Variants in AP1G1 observed in about 807,000 individuals in gnomAD.
The protein encoded by AP1G1 is AP-1 complex subunit gamma-1.
In AP1G1, 7 loss-of-function variants were observed where a neutral mutation model predicts 108.3. That is an observed-to-expected ratio of 0.06 (90% CI 0.04 to 0.12). The LOEUF (loss-of-function observed/expected upper bound fraction) is 0.12. Among genes scored for constraint, AP1G1 ranks in the 10% least tolerant of loss-of-function variants. The probability of loss-of-function intolerance (pLI) is 1.00; values close to 1 mark genes in which losing one functional copy is unlikely to be tolerated. For missense variants in AP1G1, 756 were observed against 1,010.7 expected, an observed-to-expected ratio of 0.75 and a Z score of 3.42; for synonymous variants, 379 against 353.5, an observed-to-expected ratio of 1.07 and a Z score of -0.81.
intron 1 of AP1G1, among the ~76,000 whole-genome samples, chr16:71,794,834 GCTTT>G (rs2032522000): frequency 6.6e-5 from 2 of 30,384 alleles, no homozygotes; most frequent in Admixed American, 4.2e-4. Context: ...CATGAGAAGT[GCTTT>G]TTTTTTTTTT....
intron 1 of AP1G1, 115 bp from the exon 2 acceptor site, chr16:71,789,597 TC>T: frequency 9.4e-7 from 1 of 1,065,114 alleles, no homozygotes; most frequent in Non-Finnish European, 1.4e-6. Flanking sequence ...ACTTGCCAAA[TC>T]CAGCTTAGCG....
chr16:71,799,353 T>C (rs189874644), intron 1 of AP1G1, among the ~76,000 whole-genome samples: 105 of 152,344 alleles, frequency 6.9e-4, no homozygotes, highest in African/African-American at 2.2e-3. Flanking sequence ...ATATTTATTG[T>C]AGCACTTTGT....
At position 71,739,486 on chromosome 16, in the gene AP1G1, A is replaced by C. The variant is rs570453810; in HGVS notation, c.2000-145T>G. 6.0e-5 allele frequency: 37 copies of C among 614,414 alleles called. No individual in the cohort carries two copies. In the Admixed American group the frequency reaches 1.1e-3, roughly 19 times the overall value. 38.1% of individuals were successfully genotyped at this position (614,414 alleles called of 1,614,324 possible). On this transcript the variant is annotated intron_variant, in intron 19 of 22. Coordinates refer to ENST00000299980, the MANE Select transcript of AP1G1 (RefSeq NM_001128.6). ...AAAGCATAGACCACAAAGAGAAAGA[A>C]CTAAAAACTCAAGTACTTTAAAACG...
chr16:71,786,172 CA>C (rs2032196917), intron 2 of AP1G1, among the ~76,000 whole-genome samples: 1 of 152,010 alleles, frequency 6.6e-6, no homozygotes, highest in Admixed American at 6.6e-5. Flanking sequence ...AATATTTTAT[CA>C]AATAATTAAG....
At chr16:71,782,739 G>A (rs893190497) in intron 2 of AP1G1, among the ~76,000 whole-genome samples, 6 of 151,444 alleles carry the variant, frequency 4.0e-5, no homozygotes, top group African/African-American at 1.5e-4. Flanking sequence ...GCCTGCCTCG[G>A]CCTCCCAAAG....
At chr16:71,750,445 C>T (rs149580087) in intron 13 of AP1G1, 113 bp from the exon 14 acceptor site, 107,671 of 1,305,500 alleles carry the variant, frequency 0.082, 4,681 homozygotes, top group African/African-American at 0.1. Flanking sequence ...GACAGAGTCT[C>T]GCTCTGTCAC....
At chr16:71,768,006 GA>G (rs139155057) in intron 6 of AP1G1, 28 of 1,148,322 alleles carry the variant, frequency 2.4e-5, no homozygotes, top group Middle Eastern at 2.0e-4. Flanking sequence ...ACATCTAAGG[GA>G]AAAAAAGCCA....
intron 10 of AP1G1, among the ~76,000 whole-genome samples, chr16:71,759,245 G>C (rs1424990478): frequency 6.6e-6 from 1 of 151,836 alleles, no homozygotes; most frequent in Non-Finnish European, 1.5e-5. Flanking sequence ...GATACCTGAG[G>C]TCAGGAGTTC....
chr16:71,767,825 T>G (rs1365236264), intron 6 of AP1G1: 8 of 1,569,942 alleles, frequency 5.1e-6, no homozygotes, highest in Non-Finnish European at 6.9e-6. Flanking sequence ...ACACAAAAGC[T>G]ACTAAGGACC....
intron 2 of AP1G1, among the ~76,000 whole-genome samples, chr16:71,779,451 G>A (rs537854641): frequency 1.1e-4 from 16 of 151,808 alleles, no homozygotes; most frequent in African/African-American, 3.6e-4. Context: ...AGCAGTTCTC[G>A]TGCCTCAACC....
intron 10 of AP1G1, 84 bp from the exon 11 acceptor site, chr16:71,759,005 C>G (rs551001022): frequency 2.8e-6 from 2 of 725,456 alleles, no homozygotes; most frequent in Middle Eastern, 2.4e-4. Context: ...AAAAGAAAGA[C>G]GTCTAATGGA....
chr16:71,802,591 A>G (rs373105443), intron 1 of AP1G1, among the ~76,000 whole-genome samples: 2 of 151,738 alleles, frequency 1.3e-5, no homozygotes, highest in Non-Finnish European at 2.9e-5. Context: ...TTAACTGGGC[A>G]TGGTGGCGGG....
intron 9 of AP1G1, 107 bp from the exon 10 acceptor site, chr16:71,761,674 CAA>C (rs989493513): frequency 2.2e-3 from 1,440 of 644,052 alleles, no homozygotes; most frequent in South Asian, 2.8e-3. Context: ...AGACTGCTAG[CAA>C]AAAAAAAAAG....
At chr16:71,796,591 C>T (rs1370374189) in intron 1 of AP1G1, among the ~76,000 whole-genome samples, 1 of 151,946 alleles carries the variant, frequency 6.6e-6, no homozygotes, top group East Asian at 1.9e-4. Context: ...TCTCAATCAC[C>T]CCTAGGAGAT....
rs1276800469 is a variant in AP1G1 at position 71,733,166 on chromosome 16, G to C, written c.2368-7C>G. 6.2e-7 allele frequency: 1 copy of C among 1,609,582 alleles called. No homozygotes were observed. Among genetic ancestry groups the C allele is most frequent in the African/African-American group, 1.3e-5 (1 of 74,816 alleles). On this transcript the variant is annotated splice_polypyrimidine_tract_variant and splice_region_variant and intron_variant, in intron 22 of 22. Coordinates refer to ENST00000299980, the MANE Select transcript of AP1G1 (RefSeq NM_001128.6). ...TCCGCATTCGCAGCTGTTGCTATAAGAGGAAAAGAGAAGTGCAAATTATAT... is the reference window on the plus strand; with the variant it reads ...TCCGCATTCGCAGCTGTTGCTATAACAGGAAAAGAGAAGTGCAAATTATAT...
At chr16:71,803,215 A>G (rs951206103) in intron 1 of AP1G1, among the ~76,000 whole-genome samples, 1 of 152,174 alleles carries the variant, frequency 6.6e-6, no homozygotes, top group South Asian at 2.1e-4. Context: ...CTCTGTCTCA[A>G]AAAGAATAAA....
intron 10 of AP1G1, 84 bp from the exon 11 acceptor site, chr16:71,759,005 C>T (rs551001022): frequency 8.5e-5 from 62 of 725,454 alleles, no homozygotes; most frequent in Middle Eastern, 2.4e-4. Flanking sequence ...AAAAGAAAGA[C>T]GTCTAATGGA....
rs1419365514 is a variant in AP1G1, at chr16:71,731,664, T to C, written c.*1394A>G. ...CTCAATTTCAAAGTTTGATAACATATGGGTCCTTTCTAAAAAGCACTTGGC... is the reference window on the plus strand; with the variant it reads ...CTCAATTTCAAAGTTTGATAACATACGGGTCCTTTCTAAAAAGCACTTGGC... On this transcript the variant is annotated 3_prime_UTR_variant, in exon 23 of 23. Coordinates refer to ENST00000299980, the MANE Select transcript of AP1G1 (RefSeq NM_001128.6). 1.3e-5 allele frequency: 2 copies of C among 152,582 alleles called. No individual in the cohort carries two copies. Among genetic ancestry groups the C allele is most frequent in the South Asian group, 2.1e-4 (1 of 4,828 alleles). The allele number at this position is 152,582 out of a possible 1,614,324, so 9.5% of individuals were successfully genotyped here. A position where few individuals can be genotyped will look rare whatever the true frequency, so the allele number is the denominator to read the frequency against.
In AP1G1 at chr16:71,738,832, C is replaced by T. The variant is rs2045582854; in HGVS notation, c.2268+110G>A. On this transcript the variant is annotated intron_variant, in intron 21 of 22. Coordinates refer to ENST00000299980, the MANE Select transcript of AP1G1 (RefSeq NM_001128.6). ...ACATTATTGTTAGTTTGAATTAAGT[C>T]TACAAATTTAATCTGTAAACATTAA... The T allele has an allele frequency of 6.0e-6, 6 of 1,005,446 alleles. No homozygotes were observed. In the Admixed American group the frequency reaches 1.0e-4, roughly 17 times the overall value. 62.3% of individuals were successfully genotyped at this position (1,005,446 alleles called of 1,614,324 possible).
Sources: allele counts gnomAD v4.1 joint callset (sites outside exome capture counted in the v4.1 genomes callset), GRCh38; gene constraint gnomAD v4.1.1; transcripts MANE v1.5; gene names NCBI Gene and HGNC (gene_info 2026-07-23, HGNC 2026-07-21).